The following UST variants were observed in gnomAD, a reference collection of about 807,000 sequenced individuals.
UST encodes uronyl 2-sulfotransferase.
In UST, 21 loss-of-function variants were observed where a neutral mutation model predicts 45.6. The ratio of observed to expected loss-of-function variants is 0.46; its 90% confidence interval spans 0.33 to 0.66. The LOEUF (loss-of-function observed/expected upper bound fraction) is 0.66. Among genes scored for constraint, UST ranks in the 30% least tolerant of loss-of-function variants. The probability of loss-of-function intolerance (pLI) is 0.02; values close to 1 mark genes in which losing one functional copy is unlikely to be tolerated. For missense variants in UST, 463 were observed against 512.4 expected (o/e 0.90, Z 0.93); for synonymous variants, 215 against 200.6 (o/e 1.07, Z -0.61).
chr6:148,871,147 C>CTCT (rs1582866624), intron 1 of UST, among the ~76,000 whole-genome samples: 46 of 20,172 alleles, frequency 2.3e-3, no homozygotes, highest in Admixed American at 4.7e-3. Context: ...TCTCTCTCTC[C>CTCT]CTCTCTCCCT....
At chr6:149,050,483 C>G (rs988247585) in intron 7 of UST, among the ~76,000 whole-genome samples, 4 of 152,222 alleles carry the variant, frequency 2.6e-5, no homozygotes, top group African/African-American at 9.7e-5. Flanking sequence ...CACACCAACT[C>G]TAGTCAACCT....
intron 5 of UST, among the ~76,000 whole-genome samples, chr6:148,980,917 G>T (rs1116527): frequency 0.37 from 56,196 of 151,648 alleles, 10,527 homozygotes; most frequent in East Asian, 0.48. Context: ...TAGAAATGAG[G>T]TCTCACTGTG....
At chr6:149,024,952 C>CA (rs71744071) in intron 7 of UST, among the ~76,000 whole-genome samples, 4,631 of 140,540 alleles carry the variant, frequency 0.033, 112 homozygotes, top group South Asian at 0.096. Context: ...AAAACAAAAA[C>CA]AAAAAAAAAA....
intron 5 of UST, among the ~76,000 whole-genome samples, chr6:148,965,485 G>A (rs1475485236): frequency 6.6e-6 from 1 of 152,148 alleles, no homozygotes; most frequent in African/African-American, 2.4e-5. Context: ...CTGGAAGATC[G>A]CCCAGAGCTG....
intron 2 of UST, among the ~76,000 whole-genome samples, chr6:148,891,022 T>A (rs921014791): frequency 2.6e-5 from 4 of 152,220 alleles, no homozygotes; most frequent in Non-Finnish European, 4.4e-5. Context: ...AATAGTGTTT[T>A]CTCCAAGTGG....
intron 1 of UST, among the ~76,000 whole-genome samples, chr6:148,869,672 A>C (rs1195995531): frequency 1.8e-4 from 28 of 152,242 alleles, no homozygotes; most frequent in Admixed American, 1.8e-3. Flanking sequence ...CTAAATCAGC[A>C]TCAGCATTTA....
intron 1 of UST, among the ~76,000 whole-genome samples, chr6:148,799,090 G>A (rs1306583315): frequency 6.6e-6 from 1 of 152,082 alleles, no homozygotes; most frequent in Non-Finnish European, 1.5e-5. Flanking sequence ...GGCTGGTCTC[G>A]AACTCCTGAC....
intron 5 of UST, among the ~76,000 whole-genome samples, chr6:149,017,027 G>A (rs754332306): frequency 7.9e-5 from 12 of 152,214 alleles, no homozygotes; most frequent in East Asian, 1.9e-4. Flanking sequence ...GCACCCGCCC[G>A]CACAAGCTTT....
intron 2 of UST, among the ~76,000 whole-genome samples, chr6:148,924,993 T>G (rs916634388): frequency 6.6e-6 from 1 of 152,310 alleles, no homozygotes; most frequent in Non-Finnish European, 1.5e-5. Context: ...ATATTCATGT[T>G]TATGTTGAAT....
chr6:148,909,807 C>T (rs1779439173), intron 2 of UST, among the ~76,000 whole-genome samples: 1 of 151,962 alleles, frequency 6.6e-6, no homozygotes, highest in Admixed American at 6.6e-5. Flanking sequence ...CAAGCACTGT[C>T]CCCCCCGCCA....
intron 7 of UST, among the ~76,000 whole-genome samples, chr6:149,030,722 G>T (rs926603259): frequency 3.2e-4 from 48 of 151,552 alleles, no homozygotes; most frequent in African/African-American, 1.1e-3. Context: ...TGGATCTTGT[G>T]TGTGTGTTAC....
chr6:148,927,283 A>G (rs1308293001), intron 2 of UST, among the ~76,000 whole-genome samples: 2 of 152,206 alleles, frequency 1.3e-5, no homozygotes, highest in Admixed American at 1.3e-4. Flanking sequence ...CCATAGCCTT[A>G]CAGGCTAGTG....
At chr6:148,801,150 ATGAGGATCTAGT>A (rs2114717210) in intron 1 of UST, among the ~76,000 whole-genome samples, 1 of 152,256 alleles carries the variant, frequency 6.6e-6, no homozygotes, top group African/African-American at 2.4e-5. Flanking sequence ...TTTTGAGAAC[ATGAGGATCTAGT>A]TTTGCTGTGT....
At chr6:149,059,939 C>T (rs1190019015) in intron 7 of UST, among the ~76,000 whole-genome samples, 7 of 152,108 alleles carry the variant, frequency 4.6e-5, no homozygotes, top group Non-Finnish European at 7.4e-5. Context: ...CCACAGGGGC[C>T]CAGTGCCCTG....
intron 1 of UST, among the ~76,000 whole-genome samples, chr6:148,845,063 T>G (rs1306306999): frequency 6.6e-6 from 1 of 152,224 alleles, no homozygotes; most frequent in African/African-American, 2.4e-5. Flanking sequence ...ATTCCATGTC[T>G]TTGCTATTGT....
intron 1 of UST, among the ~76,000 whole-genome samples, chr6:148,879,269 C>T (rs1778780241): frequency 1.3e-5 from 2 of 152,156 alleles, no homozygotes; most frequent in African/African-American, 2.4e-5. Context: ...TGTGATCATC[C>T]ACGCTCCATC....
chr6:148,790,628 G>A lies in UST; in HGVS notation c.247+42951G>A, dbSNP rs577560940. On this transcript the variant is annotated intron_variant, in intron 1 of 7. Coordinates refer to ENST00000367463, the MANE Select transcript of UST (RefSeq NM_005715.3). This position sits in a 1 kb window ranked among gnomAD's most constrained non-coding sequence, Gnocchi z 4.2. The stretch of plus-strand genomic sequence containing the variant: ...CTGCCAGCTTCTGAGCATGGCTACC[G>A]ATGTGTCATGGCTGGGTCCCTCCTT... Among the ~76,000 whole-genome samples, 3 of 152,278 alleles carry A rather than the reference G, an allele frequency of 2.0e-5. No individual in the cohort carries two copies. The highest frequency in any genetic ancestry group is 2.1e-4 in the South Asian group (1 of 4,820).
chr6:148,966,487 G>A (rs1780800743), intron 5 of UST, among the ~76,000 whole-genome samples: 2 of 152,006 alleles, frequency 1.3e-5, no homozygotes, highest in South Asian at 4.1e-4. Flanking sequence ...AGAACCAAAG[G>A]ACAGCAGAAA....
At chr6:148,939,995 C>T (rs1379218997) in intron 2 of UST, among the ~76,000 whole-genome samples, 1 of 152,052 alleles carries the variant, frequency 6.6e-6, no homozygotes, top group Non-Finnish European at 1.5e-5. Flanking sequence ...ATATATGGAA[C>T]TCTTAAAATG....
Sources: gnomAD v4.1 joint callset for allele counts (sites outside exome capture counted in the v4.1 genomes callset) on GRCh38, gnomAD v4.1.1 for gene constraint, Gnocchi (gnomAD v3.1) non-coding constraint, MANE v1.5 for transcripts, NCBI Gene and HGNC (gene_info 2026-07-23, HGNC 2026-07-21) for gene names.